The following PPP6R2 variants were observed in gnomAD, a reference collection of about 807,000 sequenced individuals.
PPP6R2 encodes serine/threonine-protein phosphatase 6 regulatory subunit 2.
PPP6R2 carries 62 observed loss-of-function variants against 100.2 expected under a neutral mutation model. The observed-to-expected ratio is 0.62, with a 90% CI of 0.50 to 0.76. PPP6R2 has a LOEUF of 0.76. Ranked by LOEUF, PPP6R2 falls within the 30% of genes least tolerant of loss-of-function variation. The probability of loss-of-function intolerance (pLI) is 0.00; values close to 1 mark genes in which losing one functional copy is unlikely to be tolerated. For synonymous variants in PPP6R2, 525 were observed against 514.7 expected (o/e 1.02, Z -0.27); for missense variants, 1,142 against 1,276.3 (o/e 0.89, Z 1.60).
chr22:50,434,351 T>G (rs1603401463), intron 12 of PPP6R2, among the ~76,000 whole-genome samples: 3 of 49,180 alleles, frequency 6.1e-5, no homozygotes, highest in South Asian at 1.2e-3. Flanking sequence ...GCCGGGGGCA[T>G]GGATGCTGGG....
intron 1 of PPP6R2, among the ~76,000 whole-genome samples, chr22:50,358,596 A>G (rs982578878): frequency 2.6e-5 from 4 of 152,250 alleles, no homozygotes; most frequent in Non-Finnish European, 5.9e-5. Context: ...CACTATAGTC[A>G]GGATAGTAAA....
At chr22:50,334,694 G>A in the PPP6R2 span, among the ~76,000 whole-genome samples, 1 of 152,074 alleles carries the variant, frequency 6.6e-6, no homozygotes, top group Admixed American at 6.6e-5. Context: ...AGCCAGGTGC[G>A]GTGGCTCACG....
rs1206525968 is a variant in PPP6R2 at position 50,431,506 on chromosome 22, G to A, written c.1335+124G>A. 6 of 850,772 alleles carry A rather than the reference G, an allele frequency of 7.1e-6. No individual in the cohort carries two copies. The highest frequency in any genetic ancestry group is 5.1e-5 in the African/African-American group (3 of 58,858). 52.7% of individuals were successfully genotyped at this position (850,772 alleles called of 1,614,324 possible). ...GACACGGGGGCAGGGCTTTGAAAAG[G>A]GTCCCCAGGTGTCTGGTCAGACGCT... On this transcript the variant is annotated intron_variant, in intron 11 of 23. Coordinates refer to ENST00000612753, the MANE Select transcript of PPP6R2 (RefSeq NM_001242898.2). This position sits in a 1 kb window ranked among gnomAD's most constrained non-coding sequence, Gnocchi z 4.8.
chr22:50,418,701 T>TAA (rs371215035), intron 6 of PPP6R2, among the ~76,000 whole-genome samples, 166 bp from the exon 7 acceptor site: 4 of 150,404 alleles, frequency 2.7e-5, no homozygotes, highest in Admixed American at 6.6e-5. Flanking sequence ...TCCCACATCT[T>TAA]AAAAAAAAAG....
At chr22:50,405,217 G>A (rs1477940785) in intron 3 of PPP6R2, among the ~76,000 whole-genome samples, 4 of 152,256 alleles carry the variant, frequency 2.6e-5, no homozygotes, top group African/African-American at 7.2e-5. Context: ...ATGTGGCCTC[G>A]CGGAAACAGT....
upstream of PPP6R2, among the ~76,000 whole-genome samples, chr22:50,339,037 T>G: frequency 2.5e-5 from 3 of 120,200 alleles, no homozygotes; most frequent in South Asian, 2.8e-4. Flanking sequence ...GGTGTGTGTG[T>G]GTGGTATGTA....
upstream of PPP6R2, among the ~76,000 whole-genome samples, chr22:50,340,432 GGTGTGTGTGGTATGTGGT>G (rs1380811792): frequency 1.0e-4 from 14 of 136,674 alleles, no homozygotes; most frequent in African/African-American, 2.5e-4. Flanking sequence ...TGGTGTGTGT[GGTGTGTGTGGTATGTGGT>G]GTGTGTGTGG....
At chr22:50,438,789 G>A in intron 19 of PPP6R2, 27 bp downstream of exon 19, 2 of 1,567,338 alleles carry the variant, frequency 1.3e-6, no homozygotes, top group Non-Finnish European at 8.6e-7. Flanking sequence ...GGGGCTGGGA[G>A]TGTGGGTATC....
chr22:50,414,454 T>C, intron 4 of PPP6R2, 98 bp from the exon 5 acceptor site: 1 of 1,355,752 alleles, frequency 7.4e-7, no homozygotes, highest in Non-Finnish European at 1.0e-6. Context: ...CTGCTTAATA[T>C]AATTACTAGT....
intron 5 of PPP6R2, 32 bp downstream of exon 5, chr22:50,414,721 G>A: frequency 1.2e-6 from 2 of 1,600,632 alleles, no homozygotes; most frequent in African/African-American, 1.3e-5. Flanking sequence ...CGTTCCCGAG[G>A]GCAGGGGTGC....
chr22:50,423,969 G>A lies in PPP6R2; in HGVS notation c.1125+355G>A, dbSNP rs1476996058. Among the ~76,000 whole-genome samples the A allele has an allele frequency of 5.9e-5, 9 of 152,230 alleles. No individual in the cohort carries two copies. Among genetic ancestry groups the A allele is most frequent in the African/African-American group, 2.2e-4 (9 of 41,462 alleles). On this transcript the variant is annotated intron_variant, in intron 10 of 23. Coordinates refer to ENST00000612753, the MANE Select transcript of PPP6R2 (RefSeq NM_001242898.2). The surrounding 1 kb of genome is among the most constrained non-coding windows in gnomAD (Gnocchi z 4.8). ...CACGGTGGTTATTAGGTATAAAATGGCTAAAAGAGAAGCTCCTGTCGTCCA... is the reference window on the plus strand; with the variant it reads ...CACGGTGGTTATTAGGTATAAAATGACTAAAAGAGAAGCTCCTGTCGTCCA...
the PPP6R2 span, among the ~76,000 whole-genome samples, chr22:50,335,217 AATT>A: frequency 9.5e-5 from 11 of 116,248 alleles, no homozygotes; most frequent in East Asian, 6.5e-4. Context: ...ACACCCGGCT[AATT>A]TTTTTTTTTT....
At chr22:50,339,845 GTGTGTGT>G (rs748646027), upstream of PPP6R2, among the ~76,000 whole-genome samples, 4 of 78,370 alleles carry the variant, frequency 5.1e-5, no homozygotes, top group Non-Finnish European at 9.5e-5. Flanking sequence ...GTGGTGTGTG[GTGTGTGT>G]GTGGTATGTA....
chr22:50,332,603 G>A, the PPP6R2 span, among the ~76,000 whole-genome samples: 1 of 150,710 alleles, frequency 6.6e-6, no homozygotes, highest in East Asian at 2.0e-4. Context: ...TATGGTATGA[G>A]ATAAGGAGAT....
intron 3 of PPP6R2, 86 bp from the exon 4 acceptor site, chr22:50,406,603 T>A: frequency 1.5e-6 from 2 of 1,310,006 alleles, no homozygotes; most frequent in Non-Finnish European, 2.1e-6. Flanking sequence ...GTGGGTCTGC[T>A]TCCTAAGAAG....
intron 2 of PPP6R2, among the ~76,000 whole-genome samples, chr22:50,373,419 A>G (rs1157563011): frequency 1.3e-5 from 2 of 150,144 alleles, no homozygotes; most frequent in African/African-American, 4.9e-5. Flanking sequence ...TTTTTTTTGT[A>G]TTTGTAGTAG....
At chr22:50,388,112 C>A (rs562898778) in intron 2 of PPP6R2, among the ~76,000 whole-genome samples, 2 of 151,658 alleles carry the variant, frequency 1.3e-5, no homozygotes, top group Non-Finnish European at 2.9e-5. Context: ...CGCTTGAGCC[C>A]AGGTGTTCAA....
Position 50,444,409 on chromosome 22 carries a change from G to A in PPP6R2, c.*162G>A, listed in dbSNP as rs879185383. The A allele has an allele frequency of 6.2e-6, 6 of 966,478 alleles. No homozygotes were observed. The highest frequency in any genetic ancestry group is 4.8e-5 in the South Asian group (3 of 62,458). The allele number at this position is 966,478 out of a possible 1,614,324, so 59.9% of individuals were successfully genotyped here. A position where few individuals can be genotyped will look rare whatever the true frequency, so the allele number is the denominator to read the frequency against. On this transcript the variant is annotated 3_prime_UTR_variant, in exon 24 of 24. Coordinates refer to ENST00000612753, the MANE Select transcript of PPP6R2 (RefSeq NM_001242898.2). ...TGAAACCAGTTGGACGGCCCAGCTTGCGTCTCTTCTGCCTGAGTGGGCCTC... is the reference window on the plus strand; with the variant it reads ...TGAAACCAGTTGGACGGCCCAGCTTACGTCTCTTCTGCCTGAGTGGGCCTC...
intron 12 of PPP6R2, 143 bp downstream of exon 12, chr22:50,432,472 GGGCTGC>G: frequency 6.4e-6 from 5 of 779,766 alleles, no homozygotes; most frequent in Non-Finnish European, 8.4e-6. Context: ...CCACGTTCTG[GGGCTGC>G]TGTGCAAGGG....
Sources: allele counts gnomAD v4.1 joint callset (sites outside exome capture counted in the v4.1 genomes callset), GRCh38; gene constraint gnomAD v4.1.1; non-coding constraint Gnocchi (gnomAD v3.1); transcripts MANE v1.5; gene names NCBI Gene and HGNC (gene_info 2026-07-23, HGNC 2026-07-21).